The following FNBP1 variants were observed in gnomAD, a reference collection of about 807,000 sequenced individuals.
FNBP1 encodes formin binding protein 1, also known as formin-binding protein 1.
Under a neutral mutation model 90.6 loss-of-function variants are expected in FNBP1, and 26 were observed. That is an observed-to-expected ratio of 0.29 (90% CI 0.21 to 0.40). The LOEUF is 0.40. Ranked by LOEUF, FNBP1 falls within the 10% of genes least tolerant of loss-of-function variation. FNBP1 has a pLI of 1.00. For synonymous variants in FNBP1, 260 were observed against 265.2 expected (o/e 0.98, Z 0.19); for missense variants, 635 against 768.0 (o/e 0.83, Z 2.05).
chr9:129,936,368 G>C (rs1046330420), intron 6 of FNBP1: 1 of 152,140 alleles, frequency 6.6e-6, no homozygotes, highest in Non-Finnish European at 1.5e-5. Flanking sequence ...TCATTATTCA[G>C]TGAGCAGCAA....
chr9:130,039,610 A>G (rs931948391), intron 1 of FNBP1, among the ~76,000 whole-genome samples: 1 of 151,990 alleles, frequency 6.6e-6, no homozygotes. Context: ...TGGGAAGTGA[A>G]AGTTGCAGTG....
the FNBP1 span, among the ~76,000 whole-genome samples, chr9:130,049,520 C>T: frequency 6.6e-6 from 1 of 152,058 alleles, no homozygotes; most frequent in South Asian, 2.1e-4. Context: ...TTTAGACCAG[C>T]CTGGGCAACA....
chr9:130,029,418 A>G (rs1429073348), intron 1 of FNBP1, among the ~76,000 whole-genome samples: 1 of 152,132 alleles, frequency 6.6e-6, no homozygotes, highest in Non-Finnish European at 1.5e-5. Flanking sequence ...TCAGCCCTAT[A>G]ATCTTTTTCA....
At chr9:129,984,031 T>C (rs4837441) in intron 2 of FNBP1, among the ~76,000 whole-genome samples, 148,469 of 152,146 alleles carry the variant, frequency 0.98, 72,550 homozygotes, top group East Asian at 1. Context: ...CTGGCTGATT[T>C]GAAGAACCAC....
chr9:130,017,805 G>A (rs1050626501), intron 1 of FNBP1, among the ~76,000 whole-genome samples: 9 of 150,768 alleles, frequency 6.0e-5, no homozygotes, highest in African/African-American at 9.8e-5. Flanking sequence ...ACTCCAGCCC[G>A]GGTGACAGAG....
chr9:129,932,125 C>T (rs1021353517), intron 6 of FNBP1, among the ~76,000 whole-genome samples: 2 of 150,872 alleles, frequency 1.3e-5, no homozygotes, highest in East Asian at 2.0e-4. Context: ...ACAGGAGAAT[C>T]GCTTGAACCC....
rs552588608 is a variant in FNBP1, at chr9:130,031,817, A to G, written c.24+11135T>C. ...GCTGGGATTACAGGCGAGCGCCATC[A>G]TGCCTGGCTAAGTTTTTTGTATTTT... is the stretch of plus-strand genomic sequence containing the variant. On this transcript the variant is annotated intron_variant, in intron 1 of 16. Transcript: ENST00000446176. The surrounding 1 kb of genome is among the most constrained non-coding windows in gnomAD (Gnocchi z 4.2). Among the ~76,000 whole-genome samples, 1 of 152,094 alleles carries G rather than the reference A, an allele frequency of 6.6e-6. No individual in the cohort carries two copies. The highest frequency in any genetic ancestry group is 1.9e-4 in the East Asian group (1 of 5,160).
intron 1 of FNBP1, among the ~76,000 whole-genome samples, chr9:129,999,095 A>C (rs1422733516): frequency 6.6e-6 from 1 of 152,202 alleles, no homozygotes; most frequent in East Asian, 1.9e-4. Context: ...AAAACGAATC[A>C]ACCCACTTAC....
In FNBP1 at chr9:129,924,897, A is replaced by G. The variant is rs2041646448; in HGVS notation, c.987+63T>C. The G allele has an allele frequency of 3.7e-5, 51 of 1,388,178 alleles. No homozygotes were observed. The South Asian group carries it at 6.3e-4, about 17-fold the overall frequency. The allele number at this position is 1,388,178 out of a possible 1,614,324, so 86.0% of individuals were successfully genotyped here. A position where few individuals can be genotyped will look rare whatever the true frequency, so the allele number is the denominator to read the frequency against. ...GGTTTAGGATCTTAGTTTTTCTAAG[A>G]CTAAAAGATCAAGTCAAAATCTCCA... On this transcript the variant is annotated intron_variant, in intron 9 of 16. Transcript: ENST00000446176.
chr9:129,895,353 A>G, intron 16 of FNBP1: 1 of 1,071,048 alleles, frequency 9.3e-7, no homozygotes, highest in Non-Finnish European at 1.1e-6. Context: ...ATGAGTATAC[A>G]ATTTAACAAA....
At position 129,894,788 on chromosome 9, in the gene FNBP1, G is replaced by A. The variant is rs564834965; in HGVS notation, c.1846+1050C>T. On this transcript the variant is annotated intron_variant, in intron 16 of 16. Coordinates refer to ENST00000446176, the MANE Select transcript of FNBP1 (RefSeq NM_015033.3). The stretch of plus-strand genomic sequence containing the variant: ...TCAACTGTCAATTTGGGCCAGGTGC[G>A]GTGGCTCACGCCTATAATCCCAGCA... 5.5e-4 allele frequency among the ~76,000 whole-genome samples: 84 copies of A among 152,288 alleles called. No individual in the cohort carries two copies. The South Asian group carries it at 6.4e-3, about 12-fold the overall frequency.
At chr9:129,895,529 T>A (rs112282049) in intron 16 of FNBP1, 25 of 1,213,654 alleles carry the variant, frequency 2.1e-5, no homozygotes, top group South Asian at 1.7e-4. Context: ...ACTTTTTTTT[T>A]AATCTACAGA....
intron 12 of FNBP1, among the ~76,000 whole-genome samples, chr9:129,903,888 T>C (rs1031682474): frequency 6.6e-6 from 1 of 152,124 alleles, no homozygotes; most frequent in Non-Finnish European, 1.5e-5. Context: ...ATTACAAAAA[T>C]TAGCCAGGCG....
intron 4 of FNBP1, among the ~76,000 whole-genome samples, chr9:129,961,666 C>A (rs1002398230): frequency 1.3e-5 from 2 of 152,108 alleles, no homozygotes; most frequent in African/African-American, 4.8e-5. Flanking sequence ...CTCCCTGTGA[C>A]CTCTGCCTCC....
In FNBP1 at chr9:129,957,584, C is replaced by T. The variant is rs979038779; in HGVS notation, c.409-120G>A. 28 of 765,634 alleles carry T rather than the reference C, an allele frequency of 3.7e-5. No homozygotes were observed. In the Middle Eastern group the frequency reaches 1.2e-3, roughly 32 times the overall value. 47.4% of individuals were successfully genotyped at this position (765,634 alleles called of 1,614,324 possible). A position where few individuals can be genotyped will look rare whatever the true frequency, so the allele number is the denominator to read the frequency against. ...TTTTTTTTCTTCAGTCAGGGTCTCACTTTGTCACCCAGGCTGGAGTGCAGT... is the reference window on the plus strand; with the variant it reads ...TTTTTTTTCTTCAGTCAGGGTCTCATTTTGTCACCCAGGCTGGAGTGCAGT... On this transcript the variant is annotated intron_variant, in intron 5 of 16. Transcript: ENST00000446176. The surrounding 1 kb of genome is among the most constrained non-coding windows in gnomAD (Gnocchi z 4.3).
At chr9:130,037,848 TAAAAC>T (rs528355301) in intron 1 of FNBP1, among the ~76,000 whole-genome samples, 19 of 152,164 alleles carry the variant, frequency 1.2e-4, no homozygotes, top group Middle Eastern at 3.4e-3. Context: ...AAGCAAATGT[TAAAAC>T]AAAAGGAAAA....
intron 1 of FNBP1, among the ~76,000 whole-genome samples, chr9:129,999,738 T>C (rs2054556580): frequency 1.3e-5 from 2 of 152,188 alleles, no homozygotes; most frequent in Non-Finnish European, 2.9e-5. Context: ...CCCATTACCA[T>C]TACATGTTAA....
intron 12 of FNBP1, among the ~76,000 whole-genome samples, chr9:129,905,313 T>TATATATATATATATATATATATATA (rs1554766990): frequency 4.1e-5 from 6 of 145,612 alleles, no homozygotes; most frequent in African/African-American, 1.0e-4. Context: ...TATATATATA[T>TATATATATATATATATATATATATA]TTTGTTAATT....
In FNBP1 at chr9:129,905,887, T is replaced by TTG. The variant is rs1554767349; in HGVS notation, c.1296-2887_1296-2886insCA. Reference sequence around the variant, plus strand: ...TATTTAGAGGCATATTTCTTTTTTTTTTTGTTTTTTTTTGAGACTGAGTTT... The same window carrying TTG: ...TATTTAGAGGCATATTTCTTTTTTTTTGTTTGTTTTTTTTTGAGACTGAGTTT... On this transcript the variant is annotated intron_variant, in intron 12 of 16. Coordinates refer to ENST00000446176, the MANE Select transcript of FNBP1 (RefSeq NM_015033.3). Among the ~76,000 whole-genome samples the TTG allele has an allele frequency of 7.7e-3, 1,160 of 151,548 alleles. 7 individuals are homozygous for TTG. The highest frequency in any genetic ancestry group is 0.027 in the African/African-American group (1,103 of 41,310).
Sources: gnomAD v4.1 joint callset for allele counts (sites outside exome capture counted in the v4.1 genomes callset) on GRCh38, gnomAD v4.1.1 for gene constraint, Gnocchi (gnomAD v3.1) non-coding constraint, MANE v1.5 for transcripts, NCBI Gene and HGNC (gene_info 2026-07-23, HGNC 2026-07-21) for gene names.